RMND5B: variants seen among roughly 807,000 people sequenced by gnomAD.
RMND5B encodes E3 ubiquitin-protein transferase RMND5B.
RMND5B carries 42 observed loss-of-function variants against 50.4 expected under a neutral mutation model. The observed-to-expected ratio is 0.83, with a 90% CI of 0.65 to 1.08. The LOEUF (loss-of-function observed/expected upper bound fraction) is 1.08. Among genes scored for constraint, RMND5B ranks in the 50% least tolerant of loss-of-function variants. RMND5B has a pLI of 0.00. For synonymous variants in RMND5B, 220 were observed against 210.0 expected (o/e 1.05, Z -0.41); for missense variants, 463 against 508.5 (o/e 0.91, Z 0.86).
chr5:178,147,400 T>A, intron 8 of RMND5B, 133 bp from the exon 9 acceptor site: 1 of 648,594 alleles, frequency 1.5e-6, no homozygotes, highest in East Asian at 2.7e-5. Flanking sequence ...ATGTGAGGGA[T>A]CTTTGAGGAC....
intron 7 of RMND5B, among the ~76,000 whole-genome samples, chr5:178,145,572 T>C (rs190402244): frequency 6.6e-6 from 1 of 151,746 alleles, no homozygotes; most frequent in East Asian, 1.9e-4. Context: ...CTGGCTAACT[T>C]TATATATTTT....
Position 178,150,057 on chromosome 5 carries a change from A to G in RMND5B, c.*2025A>G. 2.1e-6 allele frequency: 1 copy of G among 471,178 alleles called. No homozygotes were observed. 29.2% of individuals were successfully genotyped at this position (471,178 alleles called of 1,614,324 possible). On this transcript the variant is annotated 3_prime_UTR_variant, in exon 11 of 11. Transcript: ENST00000313386. ...ACAGGGCCTACATTCCCACATGGCA[A>G]CTATGAAAGGGCTCCAGCCCAGCAG...
At chr5:178,142,543 A>G in intron 3 of RMND5B, 40 bp from the exon 4 acceptor site, 2 of 1,575,712 alleles carry the variant, frequency 1.3e-6, no homozygotes, top group South Asian at 1.2e-5. Flanking sequence ...CAGGTGCCCC[A>G]GTCTGCCTCC....
At chr5:178,134,105 C>A (rs1053683756) in intron 2 of RMND5B, among the ~76,000 whole-genome samples, 4 of 152,208 alleles carry the variant, frequency 2.6e-5, no homozygotes, top group African/African-American at 4.8e-5. Context: ...TTCCAGCCAT[C>A]GAGCAGCTCA....
chr5:178,147,856 C>T lies in RMND5B; in HGVS notation c.1091C>T (p.Ala364Val). ...LICGHVISRD[A>V]LNKLINGGKL... ...TGTGGCCATGTTATCTCCCGAGATG[C>T]ACTCAATAAGCTCATTAATGGAGGA... The change falls in exon 10 of 11, where the codon GCA (alanine) becomes GTA (valine). Residue 364 changes from alanine (A) to valine (V), a missense_variant. Physicochemically the swap from Ala to Val is moderately conservative, Grantham distance 64. Transcript: ENST00000313386. 1 of 1,614,174 alleles carries T rather than the reference C, an allele frequency of 6.2e-7. No homozygotes were observed. Among genetic ancestry groups the T allele is most frequent in the South Asian group, 1.1e-5 (1 of 91,068 alleles).
chr5:178,139,710 A>AT lies in RMND5B; in HGVS notation c.139+1471dup, dbSNP rs113719288. ...AGGCCCGTACCACCATGCCTGGCTA[A>AT]TTTTTTTTTTTTTTTTTTTGGATTT... On this transcript the variant is annotated intron_variant, in intron 3 of 10. Transcript: ENST00000313386. 9.4e-3 allele frequency among the ~76,000 whole-genome samples: 1,215 copies of AT among 129,860 alleles called. 12 individuals are homozygous for AT. The highest frequency in any genetic ancestry group is 0.06 in the East Asian group (267 of 4,460). The allele number at this position is 129,860 out of a possible 152,430, so 85.2% of individuals were successfully genotyped here.
intron 2 of RMND5B, among the ~76,000 whole-genome samples, chr5:178,132,844 T>A (rs1218163128): frequency 7.0e-6 from 1 of 141,946 alleles, no homozygotes; most frequent in African/African-American, 2.6e-5. Flanking sequence ...GGAGGTTGTC[T>A]AATCTTTTTT....
In RMND5B at chr5:178,147,627, G is replaced by A. The variant is rs370860902; in HGVS notation, c.955G>A (p.Glu319Lys). Residue 319 changes from glutamate (E) to lysine (K), a missense_variant, in exon 9 of 11, where the codon GAG (glutamate) becomes AAG (lysine). Coordinates refer to ENST00000313386, the MANE Select transcript of RMND5B (RefSeq NM_022762.5). ...QCTGVWNHKD[E>K]LPIEIELGMK... ...CACTGGGGTCTGGAATCACAAGGAC[G>A]AGTTACCGGTGAGGCCTGGTCTGGG... 6.8e-6 allele frequency: 11 copies of A among 1,614,040 alleles called. No homozygotes were observed. Among genetic ancestry groups the A allele is most frequent in the African/African-American group, 2.7e-5 (2 of 74,920 alleles).
chr5:178,149,251 C>G lies in RMND5B; in HGVS notation c.*1219C>G, dbSNP rs184706785. 1 of 161,378 alleles carries G rather than the reference C, an allele frequency of 6.2e-6. No homozygotes were observed. The highest frequency in any genetic ancestry group is 2.4e-5 in the African/African-American group (1 of 41,592). 10.0% of individuals were successfully genotyped at this position (161,378 alleles called of 1,614,324 possible). ...CCTTACCTCACAGCCCCCATCTACC[C>G]TGGAAGAGGGAGTTGAAAATGCTGG... On this transcript the variant is annotated 3_prime_UTR_variant, in exon 11 of 11. Coordinates refer to ENST00000313386, the MANE Select transcript of RMND5B (RefSeq NM_022762.5).
rs1245197243 is a variant in RMND5B at position 178,131,293 on chromosome 5, C to T, written c.-96C>T. On this transcript the variant is annotated 5_prime_UTR_variant, in exon 2 of 11. Transcript: ENST00000313386. ...AGACTCATAGGTCCCGGCCCAGCCC[C>T]CGAAGAGCCGCCTCAGCCGGGGGGA... 1 of 152,204 alleles carries T rather than the reference C, an allele frequency of 6.6e-6. No individual in the cohort carries two copies. Among genetic ancestry groups the T allele is most frequent in the Non-Finnish European group, 1.5e-5 (1 of 68,074 alleles). 9.4% of individuals were successfully genotyped at this position (152,204 alleles called of 1,614,324 possible).
chr5:178,149,747 A>G lies in RMND5B; in HGVS notation c.*1715A>G. On this transcript the variant is annotated 3_prime_UTR_variant, in exon 11 of 11. Transcript: ENST00000313386. ...TAGGGGCAGGGACTGCACCTCCTCCAGGCACTCATCGTAAGCCTCCTGGTA... is the reference window on the plus strand; with the variant it reads ...TAGGGGCAGGGACTGCACCTCCTCCGGGCACTCATCGTAAGCCTCCTGGTA... 1.9e-6 allele frequency: 3 copies of G among 1,614,106 alleles called. No homozygotes were observed. Among genetic ancestry groups the G allele is most frequent in the African/African-American group, 2.7e-5 (2 of 75,050 alleles).
chr5:178,137,685 G>T lies in RMND5B; in HGVS notation c.-12-423G>T, dbSNP rs182748618. Among the ~76,000 whole-genome samples, 2 of 152,204 alleles carry T rather than the reference G, an allele frequency of 1.3e-5. No individual in the cohort carries two copies. The highest frequency in any genetic ancestry group is 6.5e-5 in the Admixed American group (1 of 15,278). On this transcript the variant is annotated intron_variant, in intron 2 of 10. Coordinates refer to ENST00000313386, the MANE Select transcript of RMND5B (RefSeq NM_022762.5). This position sits in a 1 kb window ranked among gnomAD's most constrained non-coding sequence, Gnocchi z 4.4. ...AGCCAGGGCAACAGAACAAGAGCCT[G>T]TCTCAAAAAAAGAAAATACATACGT...
chr5:178,140,348 T>TC (rs921744926), intron 3 of RMND5B, among the ~76,000 whole-genome samples: 4 of 151,468 alleles, frequency 2.6e-5, no homozygotes, highest in Admixed American at 2.0e-4. Flanking sequence ...TAATTTTTTT[T>TC]TTTTTTTATT....
At position 178,147,566 on chromosome 5, in the gene RMND5B, G is replaced by A; in HGVS notation, c.894G>A (p.Leu298=). 6.2e-7 allele frequency: 1 copy of A among 1,614,106 alleles called. No homozygotes were observed. Among genetic ancestry groups the A allele is most frequent in the Non-Finnish European group, 8.5e-7 (1 of 1,180,018 alleles). ...CTGGCTGTGTGGCGCTGCCTGTGTT[G>A]ATGAACATCAAGGCTGTGATTGAGC... ...FASGCVALPV[L]MNIKAVIEQR... is the part of the protein sequence containing the mutation. The change falls in exon 9 of 11, where the codon TTG becomes TTA. Residue 298 remains leucine (L), a synonymous_variant. Transcript: ENST00000313386.
Position 178,143,867 on chromosome 5 carries a change from G to A in RMND5B, c.528-75G>A, listed in dbSNP as rs970424690. 1.1e-5 allele frequency: 17 copies of A among 1,556,876 alleles called. No homozygotes were observed. The African/African-American group carries it at 2.0e-4, about 19-fold the overall frequency. ...CAAGAGCCTCACACAGGCTTTTGGG[G>A]CCCTCCTCTCAGGTGCTGGCTCTCA... On this transcript the variant is annotated intron_variant, in intron 6 of 10. Coordinates refer to ENST00000313386, the MANE Select transcript of RMND5B (RefSeq NM_022762.5).
At chr5:178,143,801 C>A in intron 6 of RMND5B, 74 bp downstream of exon 6, 1 of 1,462,348 alleles carries the variant, frequency 6.8e-7, no homozygotes, top group Non-Finnish European at 9.6e-7. Context: ...CTGTGGTCTT[C>A]ATTTCACCCA....
chr5:178,149,719 G>T lies in RMND5B; in HGVS notation c.*1687G>T, dbSNP rs1756212306. ...CAGGTGCTACCGGAGCCCCTCATAG[G>T]GGTAGGGGCAGGGACTGCACCTCCT... On this transcript the variant is annotated 3_prime_UTR_variant, in exon 11 of 11. Transcript: ENST00000313386. 3 of 1,613,862 alleles carry T rather than the reference G, an allele frequency of 1.9e-6. No individual in the cohort carries two copies. Among genetic ancestry groups the T allele is most frequent in the Non-Finnish European group, 1.7e-6 (2 of 1,179,982 alleles).
At position 178,138,361 on chromosome 5, in the gene RMND5B, G is replaced by A. The variant is rs6893500; in HGVS notation, c.139+103G>A. 17 of 1,477,890 alleles carry A rather than the reference G, an allele frequency of 1.2e-5. No individual in the cohort carries two copies. Among genetic ancestry groups the A allele is most frequent in the Non-Finnish European group, 1.4e-5 (16 of 1,111,070 alleles). 91.5% of individuals were successfully genotyped at this position (1,477,890 alleles called of 1,614,324 possible). A position where few individuals can be genotyped will look rare whatever the true frequency, so the allele number is the denominator to read the frequency against. On this transcript the variant is annotated intron_variant, in intron 3 of 10. Transcript: ENST00000313386. The surrounding 1 kb of genome is among the most constrained non-coding windows in gnomAD (Gnocchi z 5.1). ...GTTCCGGAAGGACGATGATGAGGAT[G>A]TTGGTACCTGCATCTGTAGGCCTCC...
In RMND5B at chr5:178,150,415, G is replaced by A. The variant is rs1581135947; in HGVS notation, c.*2383G>A. The A allele has an allele frequency of 3.2e-6, 1 of 312,992 alleles. No individual in the cohort carries two copies. Among genetic ancestry groups the A allele is most frequent in the Non-Finnish European group, 6.3e-6 (1 of 159,182 alleles). 19.4% of individuals were successfully genotyped at this position (312,992 alleles called of 1,614,324 possible). On this transcript the variant is annotated 3_prime_UTR_variant, in exon 11 of 11. Transcript: ENST00000313386. ...TTTTTTTGAGACAGGGCCTCACTCT[G>A]TCATGCAGTCTGGAGTGTGGTGGTG...
Sources: gnomAD v4.1 joint callset for allele counts (sites outside exome capture counted in the v4.1 genomes callset) on GRCh38, gnomAD v4.1.1 for gene constraint, Gnocchi (gnomAD v3.1) non-coding constraint, MANE v1.5 for transcripts, NCBI Gene and HGNC (gene_info 2026-07-23, HGNC 2026-07-21) for gene names.